The following GSTA1 variants were observed in gnomAD, a reference collection of about 807,000 sequenced individuals.
GSTA1 encodes glutathione S-transferase A1.
Under a neutral mutation model 21.5 loss-of-function variants are expected in GSTA1, and 23 were observed. The ratio of observed to expected loss-of-function variants is 1.07; its 90% CI spans 0.77 to 1.52. The LOEUF is 1.52. Among genes scored for constraint, GSTA1 ranks in the 40% most tolerant of loss-of-function variants. The pLI is 0.00. For missense variants in GSTA1, 301 were observed against 264.2 expected (o/e 1.14, Z -0.96); for synonymous variants, 125 against 90.0 (o/e 1.39, Z -2.20).
chr6:52,803,037 G>C (rs1763752516), intron 1 of GSTA1, among the ~76,000 whole-genome samples: 1 of 152,214 alleles, frequency 6.6e-6, no homozygotes, highest in Admixed American at 6.5e-5. Flanking sequence ...TTGCTCCTCT[G>C]CTCCAGAGGA....
intron 2 of GSTA1, among the ~76,000 whole-genome samples, chr6:52,798,003 C>A (rs1394902821): frequency 6.6e-6 from 1 of 152,154 alleles, no homozygotes; most frequent in Non-Finnish European, 1.5e-5. Context: ...AGACCACAAC[C>A]TTGTGTGTCC....
rs764930428 is a variant in GSTA1 at position 52,797,626 on chromosome 6, T to C, written c.99A>G (p.Lys33=). 5 of 1,607,058 alleles carry C rather than the reference T, an allele frequency of 3.1e-6. No individual in the cohort carries two copies. In the East Asian group the frequency reaches 6.7e-5, roughly 22 times the overall value. Residue 33 remains lysine, a synonymous_variant, in exon 3 of 7, where the codon AAA becomes AAG. Transcript: ENST00000334575. ...LAAAGVEFEE[K]FIKSAEDLDK... ...CCAAATCTTCTGCAGATTTTATAAA[T>C]TTCTCTTCAAACTGGAAGCAGAAAC...
chr6:52,796,824 G>A (rs1488870039), intron 3 of GSTA1, among the ~76,000 whole-genome samples: 2 of 151,790 alleles, frequency 1.3e-5, no homozygotes, highest in Non-Finnish European at 2.9e-5. Context: ...ACAGGCATGA[G>A]CCACTGCACC....
chr6:52,794,454 G>A (rs934158197), intron 4 of GSTA1, among the ~76,000 whole-genome samples, 188 bp from the exon 5 acceptor site: 1 of 152,142 alleles, frequency 6.6e-6, no homozygotes, highest in African/African-American at 2.4e-5. Flanking sequence ...AACCTATCAA[G>A]GTAGATAGAT....
rs1267339024 is a variant in GSTA1, at chr6:52,791,850, C to G, written c.*8G>C. The stretch of plus-strand genomic sequence containing the variant: ...TATTGCAAGTTCTTGGCCTCCATGA[C>G]TGCGTTATTAAAACCTGAAAATCTT... On this transcript the variant is annotated 3_prime_UTR_variant, in exon 7 of 7. Coordinates refer to ENST00000334575, the MANE Select transcript of GSTA1 (RefSeq NM_145740.5). The G allele has an allele frequency of 8.7e-6, 14 of 1,613,894 alleles. No homozygotes were observed. Among genetic ancestry groups the G allele is most frequent in the East Asian group, 6.7e-5 (3 of 44,894 alleles).
At chr6:52,797,514 C>T in intron 3 of GSTA1, 72 bp downstream of exon 3, 5 of 1,126,256 alleles carry the variant, frequency 4.4e-6, no homozygotes, top group Non-Finnish European at 6.8e-6. Context: ...ATAGACATTG[C>T]CGGCTGCGCA....
intron 6 of GSTA1, 139 bp from the exon 7 acceptor site, chr6:52,792,119 AC>A: frequency 8.2e-7 from 1 of 1,219,416 alleles, no homozygotes; most frequent in Non-Finnish European, 1.1e-6. Context: ...AGAAACAGAC[AC>A]CCAGTGAGAA....
chr6:52,795,774 T>C (rs2127302734), intron 4 of GSTA1, among the ~76,000 whole-genome samples: 1 of 152,248 alleles, frequency 6.6e-6, no homozygotes, highest in East Asian at 1.9e-4. Flanking sequence ...ACTGGGACCT[T>C]AGCTTTGGCG....
Position 52,796,203 on chromosome 6 carries a change from T to C in GSTA1, c.251A>G (p.Lys84Arg). Residue 84 changes from lysine to arginine, a missense_variant, in exon 4 of 7, where the codon AAA (lysine) becomes AGA (arginine). By Grantham distance (26) the Lys-to-Arg change is conservative. Coordinates refer to ENST00000334575, the MANE Select transcript of GSTA1 (RefSeq NM_145740.5). ...YIASKYNLYG[K>R]DIKERALIDM... Reference sequence around the variant, plus strand: ...GTACAGGGCTCTCTCCTTTATGTCTTTCCCATAGAGGTTGTATTTGCTGGC... The same window carrying C: ...GTACAGGGCTCTCTCCTTTATGTCTCTCCCATAGAGGTTGTATTTGCTGGC... 6.2e-7 allele frequency: 1 copy of C among 1,613,788 alleles called. No individual in the cohort carries two copies. The highest frequency in any genetic ancestry group is 8.5e-7 in the Non-Finnish European group (1 of 1,179,888).
intron 5 of GSTA1, 91 bp from the exon 6 acceptor site, chr6:52,793,078 C>T (rs1015242715): frequency 1.3e-6 from 2 of 1,582,894 alleles, no homozygotes; most frequent in African/African-American, 1.3e-5. Context: ...TGACTTTCCC[C>T]ACCTCTGTTG....
intron 3 of GSTA1, among the ~76,000 whole-genome samples, chr6:52,797,016 G>A (rs923709303): frequency 2.6e-5 from 4 of 152,154 alleles, no homozygotes; most frequent in African/African-American, 9.7e-5. Context: ...GTTGGGACAA[G>A]TTACAATAGG....
chr6:52,797,924 G>A (rs1252648729), intron 2 of GSTA1, among the ~76,000 whole-genome samples: 1 of 152,174 alleles, frequency 6.6e-6, no homozygotes, highest in Non-Finnish European at 1.5e-5. Context: ...CTGGAGAAAA[G>A]GCACTGAGCA....
intron 1 of GSTA1, among the ~76,000 whole-genome samples, chr6:52,802,396 C>G (rs988950510): frequency 2.0e-5 from 3 of 152,092 alleles, no homozygotes; most frequent in Non-Finnish European, 2.9e-5. Context: ...ATCTCTGAGC[C>G]TCAATTTTCT....
At chr6:52,796,531 A>G (rs1429342799) in intron 3 of GSTA1, among the ~76,000 whole-genome samples, 3 of 33,864 alleles carry the variant, frequency 8.9e-5, no homozygotes, top group African/African-American at 2.4e-4. Flanking sequence ...GTGTGTGTGT[A>G]TATATATATA....
Position 52,799,286 on chromosome 6 carries a change from G to T in GSTA1, c.-19C>A, listed in dbSNP as rs753841061. The T allele has an allele frequency of 3.1e-6, 5 of 1,594,856 alleles. No individual in the cohort carries two copies. Among genetic ancestry groups the T allele is most frequent in the African/African-American group, 2.7e-5 (2 of 74,352 alleles). ...CTGCCATGATAGCAGTCTCCTGGAG[G>T]TTTCTCTAAGCCTGAATGAATGAAT... On this transcript the variant is annotated 5_prime_UTR_variant, in exon 2 of 7. Transcript: ENST00000334575.
chr6:52,796,858 A>C (rs1274409203), intron 3 of GSTA1, among the ~76,000 whole-genome samples: 4 of 151,958 alleles, frequency 2.6e-5, no homozygotes, highest in Non-Finnish European at 5.9e-5. Flanking sequence ...ATTTTTAAAA[A>C]GCTTCCTGTA....
In GSTA1 at chr6:52,792,922, C is replaced by A; in HGVS notation, c.480G>T (p.Leu160=). Residue 160 remains leucine, a synonymous_variant, in exon 6 of 7, where the codon CTG becomes CTT. Transcript: ENST00000334575. The part of the protein sequence containing the change: ...GNKLSRADIH[L]VELLYYVEEL... The stretch of plus-strand genomic sequence containing the variant: ...CCTCGACGTAGTAGAGAAGTTCCAC[C>A]AGATGAATGTCAGCCCGGCTCAGCT... 1 of 1,614,078 alleles carries A rather than the reference C, an allele frequency of 6.2e-7. No homozygotes were observed.
intron 6 of GSTA1, among the ~76,000 whole-genome samples, chr6:52,792,302 A>C (rs986675521): frequency 2.0e-5 from 3 of 152,190 alleles, no homozygotes; most frequent in Non-Finnish European, 2.9e-5. Context: ...AACACAGATG[A>C]GTCTCTAAGC....
chr6:52,798,989 AAT>A (rs1394681121), intron 2 of GSTA1, among the ~76,000 whole-genome samples, 190 bp downstream of exon 2: 1 of 152,196 alleles, frequency 6.6e-6, no homozygotes, highest in Non-Finnish European at 1.5e-5. Context: ...ATTGTATTTT[AAT>A]ATGTTTGCTT....
Sources: allele counts gnomAD v4.1 joint callset (sites outside exome capture counted in the v4.1 genomes callset), GRCh38; gene constraint gnomAD v4.1.1; transcripts MANE v1.5; gene names NCBI Gene and HGNC (gene_info 2026-07-23, HGNC 2026-07-21).